Variants in SNAP91 observed in about 807,000 individuals in gnomAD.
The protein encoded by SNAP91 is synaptosome associated protein 91.
SNAP91 carries 27 observed loss-of-function variants against 100.3 expected under a neutral mutation model. The observed-to-expected ratio is 0.27, with a 90% CI of 0.20 to 0.37. The LOEUF (loss-of-function observed/expected upper bound fraction) is 0.37, where lower values mean the gene tolerates loss of function less well. Among genes scored for constraint, SNAP91 ranks in the 10% least tolerant of loss-of-function variants. The pLI is 1.00. For synonymous variants in SNAP91, 404 were observed against 398.6 expected (o/e 1.01, Z -0.16); for missense variants, 986 against 1,123.7 (o/e 0.88, Z 1.75).
At chr6:83,562,777 C>T (rs1790083970) in intron 26 of SNAP91, among the ~76,000 whole-genome samples, 1 of 152,166 alleles carries the variant, frequency 6.6e-6, no homozygotes, top group Non-Finnish European at 1.5e-5. Flanking sequence ...GGGAAACCTG[C>T]TTAGGTGATA....
At position 83,648,280 on chromosome 6, in the gene SNAP91, T is replaced by A. The variant is rs150657184; in HGVS notation, c.659-7078A>T. Among the ~76,000 whole-genome samples, 292 of 152,354 alleles carry A rather than the reference T, an allele frequency of 1.9e-3. 1 individual carries two copies. Among genetic ancestry groups the A allele is most frequent in the African/African-American group, 6.2e-3 (256 of 41,594 alleles). On this transcript the variant is annotated intron_variant, in intron 7 of 29. Coordinates refer to ENST00000369694, the MANE Select transcript of SNAP91 (RefSeq NM_001242792.2). ...AAATTCATTTATGTTATTACATAAA[T>A]GTAACAGTTAATTCCTTTTTATTGT...
intron 26 of SNAP91, among the ~76,000 whole-genome samples, chr6:83,570,585 C>T (rs1007928987): frequency 2.6e-5 from 4 of 151,472 alleles, no homozygotes; most frequent in Non-Finnish European, 4.4e-5. Context: ...ATGGGCTGGG[C>T]CCAGGGTCCC....
intron 2 of SNAP91, among the ~76,000 whole-genome samples, chr6:83,676,028 T>C (rs1261954998): frequency 6.6e-6 from 1 of 151,892 alleles, no homozygotes; most frequent in South Asian, 2.1e-4. Context: ...GGAAGATCAC[T>C]TGAGCCCAGT....
intron 2 of SNAP91, among the ~76,000 whole-genome samples, chr6:83,670,195 G>A (rs1226697766): frequency 1.3e-5 from 2 of 149,530 alleles, no homozygotes; most frequent in Non-Finnish European, 3.0e-5. Context: ...CACCAGCAGT[G>A]TATGAGCATT....
chr6:83,650,374 T>A (rs572115417), intron 7 of SNAP91, among the ~76,000 whole-genome samples: 3 of 152,280 alleles, frequency 2.0e-5, no homozygotes, highest in Admixed American at 2.0e-4. Context: ...TACAGGCAGA[T>A]CTGAGAATAT....
intron 8 of SNAP91, among the ~76,000 whole-genome samples, chr6:83,623,599 T>C (rs564885447): frequency 6.6e-6 from 1 of 152,144 alleles, no homozygotes; most frequent in South Asian, 2.1e-4. Context: ...TGACAACAAA[T>C]TGAAGCATAA....
chr6:83,637,041 C>G (rs1251978359), intron 8 of SNAP91, among the ~76,000 whole-genome samples: 1 of 152,136 alleles, frequency 6.6e-6, no homozygotes, highest in African/African-American at 2.4e-5. Context: ...GTTGCAGTCT[C>G]GTAGACAGCT....
chr6:83,647,523 C>T (rs1033874468), intron 7 of SNAP91, among the ~76,000 whole-genome samples: 1 of 152,052 alleles, frequency 6.6e-6, no homozygotes, highest in African/African-American at 2.4e-5. Context: ...GCTTTGCATA[C>T]CTGGGTAAAT....
chr6:83,697,324 GCACACACACACACACACACACACACA>G, intron 2 of SNAP91, among the ~76,000 whole-genome samples: 1 of 138,150 alleles, frequency 7.2e-6, no homozygotes, highest in South Asian at 2.6e-4. Context: ...GAAAATAGCT[GCACACACACACACACACACACACACA>G]CACACACACA....
intron 11 of SNAP91, among the ~76,000 whole-genome samples, chr6:83,611,865 T>A (rs912012582): frequency 7.1e-5 from 2 of 28,066 alleles, no homozygotes; most frequent in Admixed American, 3.2e-4. Flanking sequence ...CCCGGCTAAT[T>A]TTTTTTTTTT....
chr6:83,607,568 G>C lies in SNAP91; in HGVS notation c.1022+131C>G, dbSNP rs935791119. The C allele has an allele frequency of 2.0e-5, 11 of 542,704 alleles. No homozygotes were observed. In the African/African-American group the frequency reaches 2.1e-4, roughly 11 times the overall value. 33.6% of individuals were successfully genotyped at this position (542,704 alleles called of 1,614,324 possible). Reference sequence around the variant, plus strand: ...GCACAGGAGTAAAACAATGTACTTTGTGTAGTAAAAACTTCAACATTACTA... The same window carrying C: ...GCACAGGAGTAAAACAATGTACTTTCTGTAGTAAAAACTTCAACATTACTA... On this transcript the variant is annotated intron_variant, in intron 13 of 29. Coordinates refer to ENST00000369694, the MANE Select transcript of SNAP91 (RefSeq NM_001242792.2).
intron 2 of SNAP91, among the ~76,000 whole-genome samples, chr6:83,679,522 C>T (rs1272364945): frequency 6.6e-6 from 1 of 152,026 alleles, no homozygotes; most frequent in Non-Finnish European, 1.5e-5. Flanking sequence ...TAGGTCTACC[C>T]CTGAAGCCCC....
chr6:83,693,469 G>A (rs930727030), intron 2 of SNAP91, among the ~76,000 whole-genome samples: 4 of 152,086 alleles, frequency 2.6e-5, no homozygotes, highest in African/African-American at 9.7e-5. Flanking sequence ...ATTTTAAATT[G>A]AAAAAGAAAC....
chr6:83,661,508 T>C lies in SNAP91; in HGVS notation c.446A>G (p.Lys149Arg), dbSNP rs748649043. Residue 149 changes from lysine (K) to arginine (R), a missense_variant, in exon 5 of 30, where the codon AAG becomes AGG. By Grantham distance (26) the Lys-to-Arg change is conservative (BLOSUM62 2). Around this residue, in one of 4 missense-constraint regions of SNAP91, gnomAD observed 330 missense variants for 447.5 expected, o/e 0.74. Transcript: ENST00000369694. ...AAGAAAGACAAAAACATACCCTTTC[T>C]TCACCCTGGCAAAATCAAAGGCCAT... ...RQMAFDFARVKKGADGVMRTM... is the reference protein window; with the variant it reads ...RQMAFDFARVRKGADGVMRTM... The C allele has an allele frequency of 6.3e-7, 1 of 1,598,158 alleles. No homozygotes were observed. The highest frequency in any genetic ancestry group is 2.2e-5 in the East Asian group (1 of 44,648).
chr6:83,692,403 T>C (rs763646529), intron 2 of SNAP91, among the ~76,000 whole-genome samples: 8 of 151,856 alleles, frequency 5.3e-5, no homozygotes, highest in Non-Finnish European at 1.2e-4. Flanking sequence ...TAATCGCAGG[T>C]ACTCAGGAGG....
intron 2 of SNAP91, among the ~76,000 whole-genome samples, chr6:83,681,391 C>T (rs914841390): frequency 1.3e-5 from 2 of 152,126 alleles, no homozygotes; most frequent in African/African-American, 4.8e-5. Context: ...CACACACAAC[C>T]TCAGAGCTTT....
At chr6:83,625,835 ACT>A (rs1161638965) in intron 8 of SNAP91, among the ~76,000 whole-genome samples, 6 of 151,846 alleles carry the variant, frequency 4.0e-5, no homozygotes, top group African/African-American at 1.2e-4. Context: ...TTGTCTGTTT[ACT>A]CTGTTAATAG....
intron 2 of SNAP91, chr6:83,686,145 T>C (rs2099057308): frequency 1.0e-6 from 1 of 984,814 alleles, no homozygotes; most frequent in South Asian, 4.7e-5. Context: ...GCTTAAATTC[T>C]AGCCTTCCTT....
intron 7 of SNAP91, among the ~76,000 whole-genome samples, chr6:83,645,094 T>C (rs904810737): frequency 6.6e-6 from 1 of 152,150 alleles, no homozygotes; most frequent in Non-Finnish European, 1.5e-5. Context: ...TTAGAAACTC[T>C]GGGTAACAGG....
Sources: gnomAD v4.1 joint callset for allele counts (sites outside exome capture counted in the v4.1 genomes callset) on GRCh38, gnomAD v4.1.1 for gene constraint, gnomAD v4.1.1 regional missense constraint, MANE v1.5 for transcripts, NCBI Gene and HGNC (gene_info 2026-07-23, HGNC 2026-07-21) for gene names.